Variants in DPYD observed in about 807,000 individuals in gnomAD.
DPYD encodes dihydropyrimidine dehydrogenase.
Under a neutral mutation model 116.2 loss-of-function variants are expected in DPYD, and 109 were observed. The ratio of observed to expected loss-of-function variants is 0.94; its 90% CI spans 0.80 to 1.10. DPYD has a LOEUF of 1.10. Ranked by LOEUF, DPYD falls within the 50% of genes least tolerant of loss-of-function variation. DPYD has a pLI of 0.00. For missense variants in DPYD, 1,302 were observed against 1,254.5 expected (o/e 1.04, Z -0.57); for synonymous variants, 440 against 432.0 (o/e 1.02, Z -0.23).
chr1:97,282,471 A>C (rs1021024112), intron 18 of DPYD, among the ~76,000 whole-genome samples: 1 of 152,152 alleles, frequency 6.6e-6, no homozygotes, highest in Non-Finnish European at 1.5e-5. Context: ...TATGACTCTA[A>C]TAGACAAAAG....
At chr1:97,619,739 T>C (rs1008359947) in intron 8 of DPYD, among the ~76,000 whole-genome samples, 1 of 152,190 alleles carries the variant, frequency 6.6e-6, no homozygotes, top group Non-Finnish European at 1.5e-5. Flanking sequence ...ACAAACTATC[T>C]AATTTCACTT....
At chr1:97,224,895 A>G (rs1661013392) in intron 19 of DPYD, among the ~76,000 whole-genome samples, 1 of 151,916 alleles carries the variant, frequency 6.6e-6, no homozygotes, top group Admixed American at 6.6e-5. Context: ...CAATTTCTTC[A>G]TCATTCATCT....
intron 13 of DPYD, among the ~76,000 whole-genome samples, chr1:97,503,333 A>G (rs1357248024): frequency 6.6e-6 from 1 of 151,948 alleles, no homozygotes; most frequent in Non-Finnish European, 1.5e-5. Context: ...AAAAGATCCA[A>G]ATATCTTTGT....
At chr1:97,503,971 T>C (rs2101939593) in intron 13 of DPYD, among the ~76,000 whole-genome samples, 1 of 152,074 alleles carries the variant, frequency 6.6e-6, no homozygotes, top group South Asian at 2.1e-4. Context: ...ATCACAAAAA[T>C]AAATTTTTCC....
At chr1:97,807,075 T>C (rs1414214499) in intron 3 of DPYD, among the ~76,000 whole-genome samples, 1 of 152,062 alleles carries the variant, frequency 6.6e-6, no homozygotes, top group Non-Finnish European at 1.5e-5. Flanking sequence ...AAAGAACATA[T>C]TGGTTAGTTC....
At chr1:97,218,087 C>T (rs901434836) in intron 19 of DPYD, among the ~76,000 whole-genome samples, 1 of 152,134 alleles carries the variant, frequency 6.6e-6, no homozygotes, top group African/African-American at 2.4e-5. Context: ...CCATAGTATA[C>T]ATGACAACAG....
chr1:97,496,565 C>G (rs1229525058), intron 13 of DPYD, among the ~76,000 whole-genome samples: 1 of 152,024 alleles, frequency 6.6e-6, no homozygotes, highest in African/African-American at 2.4e-5. Flanking sequence ...CTACATCATC[C>G]TTCCAGTGAA....
chr1:97,398,303 T>C (rs550540065), intron 14 of DPYD, among the ~76,000 whole-genome samples: 85 of 152,290 alleles, frequency 5.6e-4, no homozygotes, highest in Admixed American at 1.6e-3. Flanking sequence ...TGCATAGTAT[T>C]GCATGGTGTA....
At chr1:97,696,603 G>T (rs1049016504) in intron 6 of DPYD, among the ~76,000 whole-genome samples, 3 of 151,440 alleles carry the variant, frequency 2.0e-5, no homozygotes, top group Non-Finnish European at 4.4e-5. Flanking sequence ...ACAATCTAAG[G>T]CTTTGAAAAA....
chr1:97,126,065 T>C lies in DPYD; in HGVS notation c.2623-27433A>G, dbSNP rs974588314. ...ACTTTTGAGATTAATAGTACAATGATAAACTTCAGCCATGCTCTTGTCTGA... is the reference window on the plus strand; with the variant it reads ...ACTTTTGAGATTAATAGTACAATGACAAACTTCAGCCATGCTCTTGTCTGA... On this transcript the variant is annotated intron_variant, in intron 20 of 22. Transcript: ENST00000370192. Among the ~76,000 whole-genome samples the C allele has an allele frequency of 4.6e-5, 7 of 152,286 alleles. No homozygotes were observed. The East Asian group carries it at 1.4e-3, about 29-fold the overall frequency.
intron 16 of DPYD, among the ~76,000 whole-genome samples, chr1:97,369,696 C>T (rs1671219126): frequency 6.6e-6 from 1 of 152,070 alleles, no homozygotes; most frequent in East Asian, 1.9e-4. Context: ...CAACCAAAGC[C>T]GAATGATATT....
chr1:97,907,336 T>C (rs1157434884), intron 1 of DPYD, among the ~76,000 whole-genome samples: 4 of 152,126 alleles, frequency 2.6e-5, no homozygotes, highest in Non-Finnish European at 5.9e-5. Flanking sequence ...TTTCCCTTCA[T>C]ATAAGGACTG....
chr1:97,898,942 A>T (rs1673218585), intron 1 of DPYD, among the ~76,000 whole-genome samples: 1 of 151,836 alleles, frequency 6.6e-6, no homozygotes, highest in South Asian at 2.1e-4. Context: ...TCTTTCCTTT[A>T]TAAATTATCC....
intron 4 of DPYD, among the ~76,000 whole-genome samples, chr1:97,737,762 C>A (rs927736880): frequency 6.6e-6 from 1 of 151,678 alleles, no homozygotes; most frequent in Non-Finnish European, 1.5e-5. Context: ...CCCTCTCAAC[C>A]ATATATATAT....
chr1:97,666,998 G>T (rs535289600), intron 8 of DPYD, among the ~76,000 whole-genome samples: 1 of 152,182 alleles, frequency 6.6e-6, no homozygotes, highest in South Asian at 2.1e-4. Flanking sequence ...AATCCGCCCT[G>T]CTACTCATTT....
intron 2 of DPYD, among the ~76,000 whole-genome samples, chr1:97,873,095 C>T (rs751886717): frequency 6.6e-6 from 1 of 151,968 alleles, no homozygotes; most frequent in South Asian, 2.1e-4. Flanking sequence ...GCTGTACTGA[C>T]GAAACTTGAT....
intron 7 of DPYD, among the ~76,000 whole-genome samples, chr1:97,684,420 T>C (rs984670031): frequency 2.6e-5 from 4 of 152,100 alleles, no homozygotes; most frequent in Non-Finnish European, 5.9e-5. Context: ...TCAGTTGTTT[T>C]GCATTTGCTG....
intron 11 of DPYD, among the ~76,000 whole-genome samples, chr1:97,563,927 C>T (rs1021467057): frequency 1.3e-5 from 2 of 152,082 alleles, no homozygotes; most frequent in African/African-American, 4.8e-5. Flanking sequence ...CCACTTCATC[C>T]TCACCCTGCA....
chr1:97,822,257 C>CAG, intron 3 of DPYD, among the ~76,000 whole-genome samples: 1 of 149,066 alleles, frequency 6.7e-6, no homozygotes, highest in South Asian at 2.1e-4. Flanking sequence ...TACACACACA[C>CAG]AGATTTATTT....
Sources: allele counts gnomAD v4.1 joint callset (sites outside exome capture counted in the v4.1 genomes callset), GRCh38; gene constraint gnomAD v4.1.1; transcripts MANE v1.5; gene names NCBI Gene and HGNC (gene_info 2026-07-23, HGNC 2026-07-21).